Variants in MCC observed in about 807,000 individuals in gnomAD.
MCC encodes MCC regulator of Wnt signaling pathway.
Under a neutral mutation model 116.2 loss-of-function variants are expected in MCC, and 90 were observed. The ratio of observed to expected loss-of-function variants is 0.77; its 90% CI spans 0.65 to 0.92. MCC has a LOEUF of 0.92. Among genes scored for constraint, MCC ranks in the 40% least tolerant of loss-of-function variants. MCC has a pLI of 0.00. For missense variants in MCC, 1,516 were observed against 1,312.2 expected (o/e 1.16, Z -2.40); for synonymous variants, 578 against 510.5 (o/e 1.13, Z -1.78).
chr5:113,469,622 G>A (rs374479488), intron 1 of MCC, among the ~76,000 whole-genome samples: 3 of 152,090 alleles, frequency 2.0e-5, no homozygotes, highest in African/African-American at 4.8e-5. Context: ...CAATTTTGGA[G>A]TAGGTGTGGT....
chr5:113,472,274 C>T (rs1010161800), intron 1 of MCC, among the ~76,000 whole-genome samples: 6 of 152,288 alleles, frequency 3.9e-5, no homozygotes, highest in African/African-American at 9.6e-5. Context: ...AGCTGTAGAC[C>T]GGAGCTGTTC....
At chr5:113,110,401 G>A (rs1373028200) in intron 6 of MCC, among the ~76,000 whole-genome samples, 1 of 152,210 alleles carries the variant, frequency 6.6e-6, no homozygotes, top group Non-Finnish European at 1.5e-5. Flanking sequence ...CAGAAAGGAG[G>A]AAGCATTCCG....
intron 14 of MCC, among the ~76,000 whole-genome samples, chr5:113,061,561 C>T (rs1753219101): frequency 6.6e-6 from 1 of 152,188 alleles, no homozygotes; most frequent in African/African-American, 2.4e-5. Flanking sequence ...GTGGCACCGA[C>T]CCTGGGCACC....
intron 3 of MCC, among the ~76,000 whole-genome samples, chr5:113,278,620 G>T (rs1490878858): frequency 6.6e-6 from 1 of 152,168 alleles, no homozygotes; most frequent in Admixed American, 6.5e-5. Flanking sequence ...ACCAGTGGAG[G>T]AATAGCAAAT....
chr5:113,105,366 T>C (rs1470027847), intron 6 of MCC, among the ~76,000 whole-genome samples: 1 of 152,216 alleles, frequency 6.6e-6, no homozygotes. Context: ...TCAAGAAAAC[T>C]CTTGGCACAA....
rs182232656 is a variant in MCC at position 113,080,714 on chromosome 5, G to C, written c.1784+2146C>G. Among the ~76,000 whole-genome samples the C allele has an allele frequency of 1.1e-4, 17 of 151,310 alleles. No individual in the cohort carries two copies. The East Asian group carries it at 2.7e-3, about 24-fold the overall frequency. On this transcript the variant is annotated intron_variant, in intron 11 of 18. Coordinates refer to ENST00000408903, the MANE Select transcript of MCC (RefSeq NM_001085377.2). ...ATATACCTAATGTAAATGATGAGTT[G>C]ATGGGTGCAGCACACCAACATGGCA...
chr5:113,083,152 A>T (rs1754977766), intron 10 of MCC, 144 bp from the exon 11 acceptor site: 2 of 696,792 alleles, frequency 2.9e-6, no homozygotes, highest in Non-Finnish European at 4.7e-6. Flanking sequence ...TTTGTAGGAT[A>T]GAATCCTAGT....
intron 3 of MCC, among the ~76,000 whole-genome samples, chr5:113,190,584 T>C (rs1215309004): frequency 6.6e-6 from 1 of 152,176 alleles, no homozygotes; most frequent in Non-Finnish European, 1.5e-5. Flanking sequence ...CTATTCAGTA[T>C]TAGTGTCCCT....
At chr5:113,134,578 T>G in intron 5 of MCC, among the ~76,000 whole-genome samples, 2 of 130,748 alleles carry the variant, frequency 1.5e-5, no homozygotes, top group East Asian at 4.4e-4. Context: ...TTTTTTTTTT[T>G]GTAGTTCTAT....
chr5:113,277,180 TA>T (rs561565984), intron 3 of MCC, among the ~76,000 whole-genome samples: 12 of 142,078 alleles, frequency 8.4e-5, no homozygotes, highest in African/African-American at 1.6e-4. Context: ...CCATCTCTAC[TA>T]AAAAAAAACA....
At chr5:113,100,512 C>T (rs1212397148) in intron 8 of MCC, among the ~76,000 whole-genome samples, 5 of 126,136 alleles carry the variant, frequency 4.0e-5, no homozygotes, top group Non-Finnish European at 6.2e-5. Flanking sequence ...CCTTCTGTCG[C>T]CCAGGCTGGA....
At chr5:113,375,025 T>C (rs574312454) in intron 2 of MCC, among the ~76,000 whole-genome samples, 1 of 151,642 alleles carries the variant, frequency 6.6e-6, no homozygotes, top group East Asian at 1.9e-4. Flanking sequence ...TGCACCATGT[T>C]TGTCTTGGAG....
intron 3 of MCC, among the ~76,000 whole-genome samples, chr5:113,244,072 G>C (rs1764482459): frequency 6.6e-6 from 1 of 152,206 alleles, no homozygotes; most frequent in South Asian, 2.1e-4. Flanking sequence ...ATCTGGTTAA[G>C]ATGTGTCTTT....
chr5:113,041,073 C>T (rs1164895190), intron 17 of MCC, among the ~76,000 whole-genome samples: 4 of 152,186 alleles, frequency 2.6e-5, no homozygotes, highest in African/African-American at 4.8e-5. Context: ...TTTCTCTTCC[C>T]GCCCCAAGCA....
intron 1 of MCC, among the ~76,000 whole-genome samples, chr5:113,401,769 T>TA (rs1561553096): frequency 8.3e-4 from 97 of 116,386 alleles, no homozygotes; most frequent in South Asian, 5.7e-3. Flanking sequence ...GTTTTCTTAT[T>TA]TATATATATA....
chr5:113,045,538 G>A (rs1258100916), intron 16 of MCC, among the ~76,000 whole-genome samples: 1 of 152,110 alleles, frequency 6.6e-6, no homozygotes. Context: ...AGTGGCTCAC[G>A]CCTGTAATCT....
At chr5:113,396,771 T>C (rs1316648585) in intron 1 of MCC, among the ~76,000 whole-genome samples, 1 of 152,240 alleles carries the variant, frequency 6.6e-6, no homozygotes, top group Non-Finnish European at 1.5e-5. Flanking sequence ...CACTGTTGTA[T>C]TCCCAATACC....
chr5:113,162,701 G>C (rs564886928), intron 3 of MCC, among the ~76,000 whole-genome samples: 1 of 152,048 alleles, frequency 6.6e-6, no homozygotes, highest in Non-Finnish European at 1.5e-5. Context: ...GTATCACCAT[G>C]TTGCCCAGGC....
chr5:113,143,825 T>A (rs188948533), intron 4 of MCC, among the ~76,000 whole-genome samples: 127 of 152,366 alleles, frequency 8.3e-4, no homozygotes, highest in African/African-American at 2.9e-3. Flanking sequence ...AGTTCCTTTA[T>A]GGCTGTTCAG....
Sources: gnomAD v4.1 joint callset for allele counts (sites outside exome capture counted in the v4.1 genomes callset) on GRCh38, gnomAD v4.1.1 for gene constraint, MANE v1.5 for transcripts, NCBI Gene and HGNC (gene_info 2026-07-23, HGNC 2026-07-21) for gene names.